Variants in RB1 observed in about 807,000 individuals in gnomAD.
The protein encoded by RB1 is RB transcriptional corepressor 1, also known as retinoblastoma-associated protein.
Under a neutral mutation model 135.4 loss-of-function variants are expected in RB1, and 18 were observed. That is an observed-to-expected ratio of 0.13 (90% CI 0.09 to 0.20). RB1 has a LOEUF of 0.20. Among genes scored for constraint, RB1 ranks in the 10% least tolerant of loss-of-function variants. The probability of loss-of-function intolerance (pLI) is 1.00; values close to 1 mark genes in which losing one functional copy is unlikely to be tolerated. For synonymous variants in RB1, 365 were observed against 373.2 expected, an observed-to-expected ratio of 0.98 and a Z score of 0.25; for missense variants, 868 against 1,110.0, an observed-to-expected ratio of 0.78 and a Z score of 3.10.
At chr13:48,348,912 A>T (rs755209342) in intron 5 of RB1, 44 bp from the exon 6 acceptor site, 2 of 1,583,178 alleles carry the variant, frequency 1.3e-6, no homozygotes, top group Non-Finnish European at 1.7e-6. Flanking sequence ...TCTTTCAGTG[A>T]TACATTTTTC....
chr13:48,441,821 T>C (rs755646697), intron 17 of RB1, among the ~76,000 whole-genome samples: 7 of 152,136 alleles, frequency 4.6e-5, no homozygotes, highest in Non-Finnish European at 8.8e-5. Flanking sequence ...TTCTGTGGTA[T>C]AGAGATCCTA....
At chr13:48,396,675 C>T (rs1323303862) in intron 17 of RB1, among the ~76,000 whole-genome samples, 1 of 152,160 alleles carries the variant, frequency 6.6e-6, no homozygotes, top group Non-Finnish European at 1.5e-5. Context: ...AGAGCTTCTG[C>T]ACAGCAAAAG....
intron 13 of RB1, among the ~76,000 whole-genome samples, chr13:48,379,183 T>C (rs1175200212): frequency 6.6e-6 from 1 of 152,182 alleles, no homozygotes; most frequent in Non-Finnish European, 1.5e-5. Flanking sequence ...GCACATAACC[T>C]ATCTTTAGTA....
chr13:48,374,474 A>C (rs969313879), intron 12 of RB1, among the ~76,000 whole-genome samples: 13 of 152,200 alleles, frequency 8.5e-5, no homozygotes, highest in African/African-American at 3.1e-4. Context: ...ATTTTGTCAT[A>C]ATCTGTTGTC....
At chr13:48,331,023 A>G (rs1249766234) in intron 2 of RB1, among the ~76,000 whole-genome samples, 1 of 152,232 alleles carries the variant, frequency 6.6e-6, no homozygotes. Flanking sequence ...AACAGAATGA[A>G]GGACAAATTA....
intron 17 of RB1, among the ~76,000 whole-genome samples, chr13:48,443,019 T>G (rs1312591741): frequency 1.3e-5 from 2 of 152,064 alleles, no homozygotes; most frequent in East Asian, 3.9e-4. Flanking sequence ...ATAAATCCAC[T>G]TTGAAAGACA....
chr13:48,355,364 G>A (rs748939288), intron 6 of RB1, among the ~76,000 whole-genome samples: 5 of 152,088 alleles, frequency 3.3e-5, no homozygotes, highest in Non-Finnish European at 7.4e-5. Context: ...AAACTACAAT[G>A]AGGTATTTAT....
chr13:48,318,935 G>A, intron 2 of RB1: 1 of 1,045,550 alleles, frequency 9.6e-7, no homozygotes, highest in Non-Finnish European at 1.5e-6. Flanking sequence ...AGAGCGGGAA[G>A]GCACGTTCAG....
At chr13:48,423,518 C>T (rs1949037490) in intron 17 of RB1, among the ~76,000 whole-genome samples, 1 of 152,144 alleles carries the variant, frequency 6.6e-6, no homozygotes, top group Admixed American at 6.5e-5. Flanking sequence ...CAATAGCATT[C>T]TTCTTTAAAA....
At position 48,381,460 on chromosome 13, in the gene RB1, T is replaced by C. The variant is rs766730466; in HGVS notation, c.1695+17T>C. On this transcript the variant is annotated intron_variant, in intron 17 of 26. Coordinates refer to ENST00000267163, the MANE Select transcript of RB1 (RefSeq NM_000321.3). ...TGGCTCTCAGTAAGTAGCTAAATAA[T>C]TGAAGAAATTCATTCATGTGCATAT... The C allele has an allele frequency of 1.2e-6, 2 of 1,611,256 alleles. No homozygotes were observed. Among genetic ancestry groups the C allele is most frequent in the East Asian group, 2.2e-5 (1 of 44,642 alleles).
intron 2 of RB1, among the ~76,000 whole-genome samples, chr13:48,324,780 C>A (rs564586383): frequency 3.0e-4 from 46 of 151,666 alleles, no homozygotes; most frequent in Non-Finnish European, 5.6e-4. Context: ...TTTTGAGGAA[C>A]CTCTAAACTA....
intron 26 of RB1, 57 bp from the exon 27 acceptor site, chr13:48,479,941 C>G (rs2138364103): frequency 1.4e-6 from 2 of 1,436,584 alleles, no homozygotes; most frequent in Non-Finnish European, 1.9e-6. Flanking sequence ...ATGGCAGCCA[C>G]TTGCCAACTT....
At chr13:48,341,393 A>G (rs188639923) in intron 2 of RB1, 2 of 152,000 alleles carry the variant, frequency 1.3e-5, no homozygotes, top group Admixed American at 1.3e-4. Flanking sequence ...GAACATTCAC[A>G]TATAATGTTT....
In RB1 at chr13:48,362,925, C is replaced by A; in HGVS notation, c.829C>A (p.Leu277Ile). ...LENDTRIIEV[L>I]CKEHECNIDE... ...AAATGATACAAGAATTATTGAAGTT[C>A]TCTGTAAAGAACATGAATGTAATAT... The change falls in exon 8 of 27, where the codon CTC becomes ATC. Residue 277 changes from leucine to isoleucine, a missense_variant. Around this residue, in one of 3 missense-constraint regions of RB1, gnomAD observed 641 missense variants for 791.3 expected, o/e 0.81. Coordinates refer to ENST00000267163, the MANE Select transcript of RB1 (RefSeq NM_000321.3). The A allele has an allele frequency of 6.2e-7, 1 of 1,613,652 alleles. No homozygotes were observed. Among genetic ancestry groups the A allele is most frequent in the Non-Finnish European group, 8.5e-7 (1 of 1,179,754 alleles).
chr13:48,480,054 A>C lies in RB1; in HGVS notation c.2770A>C (p.Asn924His). ...AATGAATGATAGCATGGATACCTCA[A>C]ACAAGGAAGAGAAATGAGGATCTCA... Reference protein sequence around the residue: ...QKMNDSMDTSNKEEK With the variant: ...QKMNDSMDTSHKEEK The change falls in exon 27 of 27, where the codon AAC (asparagine) becomes CAC (histidine). Residue 924 changes from asparagine to histidine, a missense_variant. Asn to His is a moderately conservative substitution (Grantham distance 68). Coordinates refer to ENST00000267163, the MANE Select transcript of RB1 (RefSeq NM_000321.3). 2 of 1,612,872 alleles carry C rather than the reference A, an allele frequency of 1.2e-6. No individual in the cohort carries two copies. The highest frequency in any genetic ancestry group is 1.7e-6 in the Non-Finnish European group (2 of 1,179,050).
At chr13:48,338,044 G>A (rs570549012) in intron 2 of RB1, among the ~76,000 whole-genome samples, 1 of 152,220 alleles carries the variant, frequency 6.6e-6, no homozygotes, top group South Asian at 2.1e-4. Flanking sequence ...TCTGCTGAGA[G>A]ATCCACTGTT....
At chr13:48,317,507 T>TC in intron 2 of RB1, 1 of 443,842 alleles carries the variant, frequency 2.3e-6, no homozygotes. Flanking sequence ...ATGTGAAAGC[T>TC]CCCCCCAGCA....
intron 20 of RB1, among the ~76,000 whole-genome samples, chr13:48,461,029 C>T (rs1235516648): frequency 1.3e-5 from 2 of 152,096 alleles, no homozygotes; most frequent in Non-Finnish European, 2.9e-5. Context: ...ATAATTCACA[C>T]ACCATAAAAA....
intron 7 of RB1, among the ~76,000 whole-genome samples, chr13:48,362,403 C>T (rs897505802): frequency 6.6e-6 from 1 of 151,744 alleles, no homozygotes; most frequent in Non-Finnish European, 1.5e-5. Context: ...TCATAATTTA[C>T]TAAAACTTAA....
Sources: gnomAD v4.1 joint callset for allele counts (sites outside exome capture counted in the v4.1 genomes callset) on GRCh38, gnomAD v4.1.1 for gene constraint, gnomAD v4.1.1 regional missense constraint, MANE v1.5 for transcripts, NCBI Gene and HGNC (gene_info 2026-07-23, HGNC 2026-07-21) for gene names.